The following GALNT18 variants were observed in gnomAD, a reference collection of about 807,000 sequenced individuals.
The protein encoded by GALNT18 is polypeptide N-acetylgalactosaminyltransferase 18, also known as GalNAc-transferase 18.
In GALNT18, 44 loss-of-function variants were observed where a neutral mutation model predicts 69.5. That is an observed-to-expected ratio of 0.63 (90% confidence interval 0.50 to 0.81). The LOEUF is 0.81. Ranked by LOEUF, GALNT18 falls within the 40% of genes least tolerant of loss-of-function variation. GALNT18 has a pLI of 0.00. For missense variants in GALNT18, 715 were observed against 810.0 expected, an observed-to-expected ratio of 0.88 and a Z score of 1.42; for synonymous variants, 364 against 318.2, an observed-to-expected ratio of 1.14 and a Z score of -1.53.
intron 1 of GALNT18, among the ~76,000 whole-genome samples, chr11:11,477,042 G>A (rs1856416524): frequency 1.3e-5 from 2 of 152,178 alleles, no homozygotes; most frequent in African/African-American, 4.8e-5. Context: ...ACACTTAGTG[G>A]GAGAGGCTTC....
chr11:11,276,029 C>T (rs563970881), intron 10 of GALNT18, among the ~76,000 whole-genome samples: 41 of 152,132 alleles, frequency 2.7e-4, no homozygotes, highest in Non-Finnish European at 7.4e-5. Context: ...TTTTTTGGTT[C>T]CATATGAACT....
intron 1 of GALNT18, among the ~76,000 whole-genome samples, chr11:11,528,783 A>C (rs1857575959): frequency 6.6e-6 from 1 of 152,212 alleles, no homozygotes; most frequent in Non-Finnish European, 1.5e-5. Context: ...AAAAGGAAGA[A>C]ACTGGCAGGA....
chr11:11,434,481 A>C (rs946310760), intron 2 of GALNT18, among the ~76,000 whole-genome samples: 38 of 152,196 alleles, frequency 2.5e-4, no homozygotes, highest in African/African-American at 8.9e-4. Flanking sequence ...AAACAGATAC[A>C]TACGGAAGAA....
intron 1 of GALNT18, among the ~76,000 whole-genome samples, chr11:11,593,715 G>A (rs1429832953): frequency 6.6e-6 from 1 of 152,168 alleles, no homozygotes; most frequent in East Asian, 1.9e-4. Context: ...AATGGCTTGA[G>A]GCCAGGAGTT....
chr11:11,614,579 A>T lies in GALNT18; in HGVS notation c.235+6780T>A, dbSNP rs118139871. On this transcript the variant is annotated intron_variant, in intron 1 of 10. Coordinates refer to ENST00000227756, the MANE Select transcript of GALNT18 (RefSeq NM_198516.3). The surrounding 1 kb of genome is among the most constrained non-coding windows in gnomAD (Gnocchi z 5.6). ...TTGGAGGGTACAAACATTCAAGCAT[A>T]TCAAGCACATTCAGCTATTCAAGTG... Among the ~76,000 whole-genome samples, 3 of 152,216 alleles carry T rather than the reference A, an allele frequency of 2.0e-5. No individual in the cohort carries two copies. In the South Asian group the frequency reaches 6.2e-4, roughly 31 times the overall value.
At chr11:11,304,705 C>T (rs117897082) in intron 9 of GALNT18, among the ~76,000 whole-genome samples, 24 of 152,344 alleles carry the variant, frequency 1.6e-4, no homozygotes, top group East Asian at 1.5e-3. Flanking sequence ...ACTGAGCTAT[C>T]GTACATCACC....
At chr11:11,305,620 A>G (rs1849564643) in intron 9 of GALNT18, among the ~76,000 whole-genome samples, 1 of 152,062 alleles carries the variant, frequency 6.6e-6, no homozygotes, top group East Asian at 1.9e-4. Context: ...ACAGCCATTC[A>G]TCCCCTCAAT....
chr11:11,486,501 A>C (rs1856648404), intron 1 of GALNT18, among the ~76,000 whole-genome samples: 1 of 152,236 alleles, frequency 6.6e-6, no homozygotes, highest in Admixed American at 6.5e-5. Flanking sequence ...CTTCTACTTA[A>C]AAAATAATTC....
At position 11,309,450 on chromosome 11, in the gene GALNT18, C is replaced by T. The variant is rs1235679275; in HGVS notation, c.1513-16257G>A. Among the ~76,000 whole-genome samples the T allele has an allele frequency of 6.6e-6, 1 of 150,536 alleles. No individual in the cohort carries two copies. Among genetic ancestry groups the T allele is most frequent in the East Asian group, 1.9e-4 (1 of 5,188 alleles). On this transcript the variant is annotated intron_variant, in intron 9 of 10. Transcript: ENST00000227756. This position sits in a 1 kb window ranked among gnomAD's most constrained non-coding sequence, Gnocchi z 4.6. The stretch of plus-strand genomic sequence containing the variant: ...TTCTATACTTACCACTCTTTCCTGA[C>T]CTCTCCCTAGAAATGCTGCGCCCAA...
intron 8 of GALNT18, among the ~76,000 whole-genome samples, chr11:11,327,948 C>A (rs1017617636): frequency 2.0e-5 from 3 of 152,202 alleles, no homozygotes; most frequent in African/African-American, 2.4e-5. Flanking sequence ...TAATCACTCT[C>A]TTTCTCTGCC....
chr11:11,481,311 C>T (rs1856524826), intron 1 of GALNT18, among the ~76,000 whole-genome samples: 1 of 152,162 alleles, frequency 6.6e-6, no homozygotes, highest in South Asian at 2.1e-4. Flanking sequence ...TGAATCCCTC[C>T]TCGCTGGTCT....
At chr11:11,325,871 C>T (rs542430786) in intron 9 of GALNT18, among the ~76,000 whole-genome samples, 1 of 152,168 alleles carries the variant, frequency 6.6e-6, no homozygotes, top group South Asian at 2.1e-4. Flanking sequence ...CCAAAAAGGA[C>T]AAGATGGTAG....
Position 11,396,511 on chromosome 11 carries a change from C to T in GALNT18, c.596-17247G>A, listed in dbSNP as rs1178311140. Among the ~76,000 whole-genome samples, 1 of 152,220 alleles carries T rather than the reference C, an allele frequency of 6.6e-6. No homozygotes were observed. Among genetic ancestry groups the T allele is most frequent in the East Asian group, 1.9e-4 (1 of 5,172 alleles). On this transcript the variant is annotated intron_variant, in intron 3 of 10. Coordinates refer to ENST00000227756, the MANE Select transcript of GALNT18 (RefSeq NM_198516.3). This position sits in a 1 kb window ranked among gnomAD's most constrained non-coding sequence, Gnocchi z 5.2. ...AGATGGGAGCTGAAAACAAAACTTC[C>T]CTCCTCAGAAGTCTACATAGCAACA...
rs770040955 is a variant in GALNT18, at chr11:11,402,745, C to T, written c.596-23481G>A. Among the ~76,000 whole-genome samples, 77 of 152,188 alleles carry T rather than the reference C, an allele frequency of 5.1e-4. No individual in the cohort carries two copies. The highest frequency in any genetic ancestry group is 1.0e-3 in the Non-Finnish European group (70 of 68,040). ...AAAGTGTGGCATTTTAATGCACCTG[C>T]CTTGCAGCTGCGGGTAAGAACAGCG... On this transcript the variant is annotated intron_variant, in intron 3 of 10. Transcript: ENST00000227756. The surrounding 1 kb of genome is among the most constrained non-coding windows in gnomAD (Gnocchi z 4.0).
intron 1 of GALNT18, among the ~76,000 whole-genome samples, chr11:11,451,550 C>T (rs1447670639): frequency 6.6e-6 from 1 of 152,170 alleles, no homozygotes; most frequent in Non-Finnish European, 1.5e-5. Context: ...GGAGGGCCTA[C>T]AGCAGGAAAG....
At chr11:11,305,162 A>G (rs954002985) in intron 9 of GALNT18, among the ~76,000 whole-genome samples, 3 of 126,630 alleles carry the variant, frequency 2.4e-5, no homozygotes, top group Non-Finnish European at 5.3e-5. Context: ...CCTTGGTAAG[A>G]TACAAATATC....
rs1857164564 is a variant in GALNT18 at position 11,511,484 on chromosome 11, C to T, written c.236-62548G>A. ...TAGGCCCCAGACAATCCTGAGGAGA[C>T]CTGGCTAATGCAGTGGTTCTTTACT... is the stretch of plus-strand genomic sequence containing the variant. On this transcript the variant is annotated intron_variant, in intron 1 of 10. Transcript: ENST00000227756. The surrounding 1 kb of genome is among the most constrained non-coding windows in gnomAD (Gnocchi z 4.9). 6.6e-6 allele frequency among the ~76,000 whole-genome samples: 1 copy of T among 152,178 alleles called. No individual in the cohort carries two copies. The highest frequency in any genetic ancestry group is 2.1e-4 in the South Asian group (1 of 4,830).
rs35028957 is a variant in GALNT18, at chr11:11,341,968, ATTT to A, written c.1093-967_1093-965del. 3.0e-3 allele frequency among the ~76,000 whole-genome samples: 390 copies of A among 131,964 alleles called. 4 individuals are homozygous for A. Among genetic ancestry groups the A allele is most frequent in the East Asian group, 0.024 (120 of 5,070 alleles). The allele number at this position is 131,964 out of a possible 152,430, so 86.6% of individuals were successfully genotyped here. On this transcript the variant is annotated intron_variant, in intron 6 of 10. Transcript: ENST00000227756. The surrounding 1 kb of genome is among the most constrained non-coding windows in gnomAD (Gnocchi z 6.3). ...GAGATCCTGTCTCTAAAACATTAAA[ATTT>A]TTTTTTTTTTAAAAAGACCTTGACT... is the stretch of plus-strand genomic sequence containing the variant.
At chr11:11,277,862 G>C (rs926001343) in intron 10 of GALNT18, among the ~76,000 whole-genome samples, 1 of 152,220 alleles carries the variant, frequency 6.6e-6, no homozygotes, top group Non-Finnish European at 1.5e-5. Context: ...TGTGGTCTGA[G>C]AGACTGTTTG....
Sources: gnomAD v4.1 joint callset for allele counts (sites outside exome capture counted in the v4.1 genomes callset) on GRCh38, gnomAD v4.1.1 for gene constraint, Gnocchi (gnomAD v3.1) non-coding constraint, MANE v1.5 for transcripts, NCBI Gene and HGNC (gene_info 2026-07-23, HGNC 2026-07-21) for gene names.